The following KCTD8 variants were observed in gnomAD, a reference collection of about 807,000 sequenced individuals.
KCTD8 encodes the protein potassium channel tetramerization domain containing 8, also known as BTB/POZ domain-containing protein KCTD8.
In KCTD8, 27 loss-of-function variants were observed where a neutral mutation model predicts 31.5. That is an observed-to-expected ratio of 0.86 (90% CI 0.63 to 1.18). The LOEUF is 1.18. Among genes scored for constraint, KCTD8 ranks in the 50% most tolerant of loss-of-function variants. The pLI, the probability that KCTD8 is intolerant of heterozygous loss-of-function variation, is 0.00. For missense variants in KCTD8, 658 were observed against 647.7 expected, an observed-to-expected ratio of 1.02 and a Z score of -0.17; for synonymous variants, 290 against 280.0, an observed-to-expected ratio of 1.04 and a Z score of -0.36.
At chr4:44,206,210 G>A (rs561443762) in intron 1 of KCTD8, among the ~76,000 whole-genome samples, 2 of 152,206 alleles carry the variant, frequency 1.3e-5, no homozygotes, top group Non-Finnish European at 2.9e-5. Flanking sequence ...AGTTATCTTC[G>A]AGAATGAACT....
intron 1 of KCTD8, among the ~76,000 whole-genome samples, chr4:44,247,647 C>T (rs914271490): frequency 1.3e-5 from 2 of 151,834 alleles, no homozygotes; most frequent in Non-Finnish European, 2.9e-5. Flanking sequence ...TTGGCAATCA[C>T]CATTGTACCC....
At chr4:44,299,998 C>T (rs1717561814) in intron 1 of KCTD8, among the ~76,000 whole-genome samples, 1 of 151,982 alleles carries the variant, frequency 6.6e-6, no homozygotes. Context: ...TGACCACCCG[C>T]CTCGGCCTCC....
intron 1 of KCTD8, among the ~76,000 whole-genome samples, chr4:44,317,766 A>C (rs913862910): frequency 6.6e-6 from 1 of 152,202 alleles, no homozygotes; most frequent in African/African-American, 2.4e-5. Flanking sequence ...ATGGGTTAAA[A>C]AGTTTGCCAA....
chr4:44,269,128 T>C (rs1319618212), intron 1 of KCTD8, among the ~76,000 whole-genome samples: 1 of 152,172 alleles, frequency 6.6e-6, no homozygotes, highest in Admixed American at 6.5e-5. Flanking sequence ...TCATGCTACC[T>C]GACTTCAAAC....
At chr4:44,416,433 A>G (rs1721079484) in intron 1 of KCTD8, among the ~76,000 whole-genome samples, 1 of 152,168 alleles carries the variant, frequency 6.6e-6, no homozygotes, top group African/African-American at 2.4e-5. Flanking sequence ...GGAGATCAGG[A>G]GAGGAATTAC....
At position 44,174,244 on chromosome 4, in the gene KCTD8, AT is replaced by A. The variant is rs1713129964; in HGVS notation, c.*545del. 3 of 152,170 alleles carry A rather than the reference AT, an allele frequency of 2.0e-5. No homozygotes were observed. The highest frequency in any genetic ancestry group is 7.3e-5 in the African/African-American group (3 of 41,290). 9.4% of individuals were successfully genotyped at this position (152,170 alleles called of 1,614,324 possible). On this transcript the variant is annotated 3_prime_UTR_variant, in exon 2 of 2. Transcript: ENST00000360029. ...ACATTTTTTTTTGCTTTTTTTTGTA[AT>A]TTTTTTCTTTCCAAGCAACAAACAG...
chr4:44,291,960 GAA>G (rs571458412), intron 1 of KCTD8, among the ~76,000 whole-genome samples: 19,053 of 87,626 alleles, frequency 0.22, 1,125 homozygotes, highest in African/African-American at 0.33. Flanking sequence ...TGGCTATTAT[GAA>G]AAAAAAAAAA....
intron 1 of KCTD8, among the ~76,000 whole-genome samples, chr4:44,191,924 C>G (rs1713775616): frequency 6.6e-6 from 1 of 152,096 alleles, no homozygotes. Context: ...TGACCTAATC[C>G]CTGTTCATAC....
intron 1 of KCTD8, among the ~76,000 whole-genome samples, chr4:44,335,359 G>A (rs1014629409): frequency 6.6e-6 from 1 of 151,380 alleles, no homozygotes; most frequent in Non-Finnish European, 1.5e-5. Context: ...ATTAAAGGAA[G>A]AAAAATACCT....
intron 1 of KCTD8, among the ~76,000 whole-genome samples, chr4:44,368,905 A>C (rs531864898): frequency 6.6e-6 from 1 of 152,310 alleles, no homozygotes; most frequent in Non-Finnish European, 1.5e-5. Context: ...GTCTGCACTG[A>C]ACTACTTCTG....
At chr4:44,303,345 G>T (rs1438534263) in intron 1 of KCTD8, among the ~76,000 whole-genome samples, 1 of 151,934 alleles carries the variant, frequency 6.6e-6, no homozygotes, top group African/African-American at 2.4e-5. Flanking sequence ...AATCCATCTG[G>T]TCCTGGACTC....
intron 1 of KCTD8, among the ~76,000 whole-genome samples, chr4:44,425,963 T>C (rs1314175212): frequency 6.6e-6 from 1 of 151,260 alleles, no homozygotes. Flanking sequence ...AACATATCTA[T>C]ATCAAAGATA....
intron 1 of KCTD8, among the ~76,000 whole-genome samples, chr4:44,393,350 T>A (rs1720417326): frequency 2.0e-5 from 3 of 152,012 alleles, no homozygotes. Flanking sequence ...CAAAATAATA[T>A]ATTCCTAAGA....
chr4:44,192,475 TACACACAC>T (rs34405384), intron 1 of KCTD8, among the ~76,000 whole-genome samples: 1,634 of 137,150 alleles, frequency 0.012, 24 homozygotes, highest in African/African-American at 0.038. Context: ...TAAGCAAAGA[TACACACAC>T]ACACACACAC....
intron 1 of KCTD8, among the ~76,000 whole-genome samples, chr4:44,297,234 T>G (rs1338454177): frequency 6.6e-6 from 1 of 152,050 alleles, no homozygotes; most frequent in Non-Finnish European, 1.5e-5. Context: ...TGGAACAAAT[T>G]AAATCAAAAC....
At chr4:44,339,850 C>T (rs1718849587) in intron 1 of KCTD8, among the ~76,000 whole-genome samples, 1 of 152,068 alleles carries the variant, frequency 6.6e-6, no homozygotes, top group Non-Finnish European at 1.5e-5. Flanking sequence ...TTGCCAAATA[C>T]TTGAAAATTA....
At chr4:44,194,140 C>A (rs953888332) in intron 1 of KCTD8, among the ~76,000 whole-genome samples, 1 of 152,074 alleles carries the variant, frequency 6.6e-6, no homozygotes, top group African/African-American at 2.4e-5. Context: ...CAATGATATG[C>A]AGCACATGAT....
At chr4:44,192,682 G>A (rs906245858) in intron 1 of KCTD8, among the ~76,000 whole-genome samples, 12 of 152,168 alleles carry the variant, frequency 7.9e-5, no homozygotes, top group African/African-American at 2.9e-4. Flanking sequence ...TTGGATTGAA[G>A]GATGTAAAGT....
At chr4:44,217,044 C>A (rs180680044) in intron 1 of KCTD8, among the ~76,000 whole-genome samples, 1 of 145,850 alleles carries the variant, frequency 6.9e-6, no homozygotes, top group Admixed American at 6.8e-5. Context: ...AAAAACCTAA[C>A]CTTTAGAACT....
Sources: allele counts gnomAD v4.1 joint callset (sites outside exome capture counted in the v4.1 genomes callset), GRCh38; gene constraint gnomAD v4.1.1; transcripts MANE v1.5; gene names NCBI Gene and HGNC (gene_info 2026-07-23, HGNC 2026-07-21).